The following PPFIA3 variants were observed in gnomAD, a reference collection of about 807,000 sequenced individuals.
PPFIA3 encodes the protein liprin-alpha-3.
PPFIA3 carries 26 observed loss-of-function variants against 145.8 expected under a neutral mutation model. The ratio of observed to expected loss-of-function variants is 0.18; its 90% confidence interval spans 0.13 to 0.25. PPFIA3 has a LOEUF of 0.25. Ranked by LOEUF, PPFIA3 falls within the 10% of genes least tolerant of loss-of-function variation. The pLI is 1.00. For missense variants in PPFIA3, 1,008 were observed against 1,587.8 expected (o/e 0.63, Z 6.21); for synonymous variants, 645 against 661.4 (o/e 0.98, Z 0.38).
intron 24 of PPFIA3, 22 bp downstream of exon 24, chr19:49,148,280 G>T: frequency 6.2e-7 from 1 of 1,609,020 alleles, no homozygotes; most frequent in Non-Finnish European, 8.5e-7. Flanking sequence ...CTGGCCAGTG[G>T]GGACAGTCCA....
At chr19:49,134,777 G>A in intron 12 of PPFIA3, 59 bp from the exon 13 acceptor site, 1 of 1,611,020 alleles carries the variant, frequency 6.2e-7, no homozygotes, top group Non-Finnish European at 8.5e-7. Context: ...AGTCTGGCAG[G>A]GGCTGTTCCT....
intron 11 of PPFIA3, 93 bp downstream of exon 11, chr19:49,134,258 A>G: frequency 6.7e-7 from 1 of 1,484,428 alleles, no homozygotes. Context: ...CAGATCTGTT[A>G]TCGGAGGCCT....
chr19:49,137,008 C>T lies in PPFIA3; in HGVS notation c.1853+97C>T, dbSNP rs532714515. On this transcript the variant is annotated intron_variant, in intron 15 of 29. Transcript: ENST00000334186. ...GCCTGAAAGCCTGAGTCCGTCTCCT[C>T]TTACACCATCCACAAGGAATTCTTC... The T allele has an allele frequency of 2.6e-6, 3 of 1,161,832 alleles. No individual in the cohort carries two copies. In the South Asian group the frequency reaches 5.4e-5, roughly 21 times the overall value. The allele number at this position is 1,161,832 out of a possible 1,614,324, so 72.0% of individuals were successfully genotyped here. A position where few individuals can be genotyped will look rare whatever the true frequency, so the allele number is the denominator to read the frequency against.
At chr19:49,139,582 C>G (rs2041187851) in intron 16 of PPFIA3, 86 bp from the exon 17 acceptor site, 7 of 1,408,814 alleles carry the variant, frequency 5.0e-6, no homozygotes, top group Non-Finnish European at 5.7e-6. Flanking sequence ...TCACCCCACA[C>G]ACACCTTAGT....
chr19:49,148,540 G>C, intron 24 of PPFIA3, 126 bp from the exon 25 acceptor site: 1 of 821,706 alleles, frequency 1.2e-6, no homozygotes, highest in South Asian at 1.6e-5. Flanking sequence ...GGGGTCAACA[G>C]TCAATAGAAC....
intron 7 of PPFIA3, among the ~76,000 whole-genome samples, chr19:49,131,028 ATTT>A (rs33934210): frequency 5.2e-5 from 7 of 134,358 alleles, no homozygotes; most frequent in Admixed American, 7.5e-5. Context: ...TGCACCGCTA[ATTT>A]TTTTTTTTTT....
intron 7 of PPFIA3, among the ~76,000 whole-genome samples, chr19:49,131,389 T>A (rs2041070752): frequency 6.7e-6 from 1 of 148,308 alleles, no homozygotes; most frequent in Admixed American, 6.8e-5. Context: ...TTCACTATAT[T>A]GGCCAGGCTG....
At position 49,128,096 on chromosome 19, in the gene PPFIA3, A is replaced by G; in HGVS notation, c.223A>G (p.Ser75Gly). Residue 75 changes from serine (S) to glycine (G), a missense_variant, in exon 2 of 30, where the codon AGC (serine) becomes GGC (glycine). Physicochemically the swap from Ser to Gly is moderately conservative, Grantham distance 56. Coordinates refer to ENST00000334186, the MANE Select transcript of PPFIA3 (RefSeq NM_003660.4). The surrounding 1 kb of genome is among the most constrained non-coding windows in gnomAD (Gnocchi z 4.1). ...HEKDSLQRQL[S>G]IALPQEFAAL... ...GAAGGACTCGCTGCAGCGCCAGCTC[A>G]GCATCGCGCTGCCCCAGGTCTGGGC... The G allele has an allele frequency of 6.4e-7, 1 of 1,560,304 alleles. No homozygotes were observed. The highest frequency in any genetic ancestry group is 8.6e-7 in the Non-Finnish European group (1 of 1,161,300).
rs1024283869 is a variant in PPFIA3, at chr19:49,138,331, C to G, written c.1980C>G (p.Thr660=). Residue 660 remains threonine (T), a synonymous_variant, in exon 16 of 30, where the codon ACC becomes ACG. Coordinates refer to ENST00000334186, the MANE Select transcript of PPFIA3 (RefSeq NM_003660.4). ...GCTGCTCCCTGCCCCCCTCCCTCAC[C>G]ACCTCTACCCTTGCCAGCCCCTCCC... The part of the protein sequence containing the change: ...RSSCSLPPSL[T]TSTLASPSPP... The G allele has an allele frequency of 1.2e-6, 2 of 1,611,976 alleles. No individual in the cohort carries two copies. The highest frequency in any genetic ancestry group is 1.3e-5 in the African/African-American group (1 of 74,890).
intron 25 of PPFIA3, 77 bp downstream of exon 25, chr19:49,148,840 G>C (rs2041308981): frequency 3.2e-6 from 5 of 1,538,872 alleles, no homozygotes; most frequent in African/African-American, 1.4e-5. Context: ...GGGGTAGGGG[G>C]AGACCGGAGA....
Position 49,150,280 on chromosome 19 carries a change from C to G in PPFIA3, c.*58C>G. 1 of 879,714 alleles carries G rather than the reference C, an allele frequency of 1.1e-6. No homozygotes were observed. Among genetic ancestry groups the G allele is most frequent in the Non-Finnish European group, 1.7e-6 (1 of 587,944 alleles). 54.5% of individuals were successfully genotyped at this position (879,714 alleles called of 1,614,324 possible). On this transcript the variant is annotated 3_prime_UTR_variant, in exon 30 of 30. Coordinates refer to ENST00000334186, the MANE Select transcript of PPFIA3 (RefSeq NM_003660.4). Reference sequence around the variant, plus strand: ...AGAATCTTCCCGAGGCTGGGCTGTTCCCTCTCCTGCCCGGACTGTGGCCTC... The same window carrying G: ...AGAATCTTCCCGAGGCTGGGCTGTTGCCTCTCCTGCCCGGACTGTGGCCTC...
rs1182966458 is a variant in PPFIA3 at position 49,130,946 on chromosome 19, C to G, written c.879+347C>G. On this transcript the variant is annotated intron_variant, in intron 7 of 29. Transcript: ENST00000334186. The surrounding 1 kb of genome is among the most constrained non-coding windows in gnomAD (Gnocchi z 4.5). The stretch of plus-strand genomic sequence containing the variant: ...GCGTGATCTTGGCTTACTGCCACCT[C>G]TGCCTCCCGGGTTCAAGAGATTCTC... Among the ~76,000 whole-genome samples the G allele has an allele frequency of 6.6e-6, 1 of 151,586 alleles. No individual in the cohort carries two copies. Among genetic ancestry groups the G allele is most frequent in the Non-Finnish European group, 1.5e-5 (1 of 67,968 alleles).
In PPFIA3 at chr19:49,148,074, T is replaced by C; in HGVS notation, c.2836-9T>C. 1.2e-6 allele frequency: 2 copies of C among 1,608,102 alleles called. No homozygotes were observed. The highest frequency in any genetic ancestry group is 1.7e-6 in the Non-Finnish European group (2 of 1,176,830). ...GCCTGACTCTTCCCTCACCTGCCCATGGCCCCAGATCCTGGCATATGGCGA... is the reference window on the plus strand; with the variant it reads ...GCCTGACTCTTCCCTCACCTGCCCACGGCCCCAGATCCTGGCATATGGCGA... On this transcript the variant is annotated splice_polypyrimidine_tract_variant and intron_variant, in intron 23 of 29. Coordinates refer to ENST00000334186, the MANE Select transcript of PPFIA3 (RefSeq NM_003660.4).
Position 49,134,171 on chromosome 19 carries a change from C to T in PPFIA3, c.1377+6C>T, listed in dbSNP as rs1402815402. ...TGGGGGCGCTGGAGGAGAAGGTGCG[C>T]CCCCCATACAGGACTGCGGGACGCG... On this transcript the variant is annotated splice_donor_region_variant and intron_variant, in intron 11 of 29. Coordinates refer to ENST00000334186, the MANE Select transcript of PPFIA3 (RefSeq NM_003660.4). 4 of 1,606,084 alleles carry T rather than the reference C, an allele frequency of 2.5e-6. No individual in the cohort carries two copies. The highest frequency in any genetic ancestry group is 2.2e-5 in the East Asian group (1 of 44,826).
In PPFIA3 at chr19:49,128,829, C is replaced by G; in HGVS notation, c.343-19C>G. On this transcript the variant is annotated intron_variant, in intron 3 of 29. Coordinates refer to ENST00000334186, the MANE Select transcript of PPFIA3 (RefSeq NM_003660.4). The surrounding 1 kb of genome is among the most constrained non-coding windows in gnomAD (Gnocchi z 4.1). ...TTTCCCTTGCCTCTTTTCCTTGACC[C>G]CATGCCGTGTGCTTGCAGCTGCTCC... 1 of 1,582,710 alleles carries G rather than the reference C, an allele frequency of 6.3e-7. No homozygotes were observed. The highest frequency in any genetic ancestry group is 1.1e-5 in the South Asian group (1 of 87,792).
At position 49,119,597 on chromosome 19, in the gene PPFIA3, G is replaced by T. The variant is rs1399686583; in HGVS notation, c.-141G>T. 1 of 154,144 alleles carries T rather than the reference G, an allele frequency of 6.5e-6. No individual in the cohort carries two copies. Among genetic ancestry groups the T allele is most frequent in the Non-Finnish European group, 1.4e-5 (1 of 69,224 alleles). The allele number at this position is 154,144 out of a possible 1,614,324, so 9.5% of individuals were successfully genotyped here. ...AGCCCGCGCGAGCGTCGGAGACAGG[G>T]CTCCAGGGCTCCGAAGCGACAGAGC... On this transcript the variant is annotated 5_prime_UTR_variant, in exon 1 of 30. Transcript: ENST00000334186.
intron 11 of PPFIA3, among the ~76,000 whole-genome samples, 196 bp from the exon 12 acceptor site, chr19:49,134,443 T>C (rs1231732331): frequency 6.6e-6 from 1 of 152,164 alleles, no homozygotes; most frequent in Non-Finnish European, 1.5e-5. Flanking sequence ...CCCTCTGAGA[T>C]TGCACAGGAC....
chr19:49,133,715 G>A lies in PPFIA3; in HGVS notation c.1162-81G>A. The A allele has an allele frequency of 2.1e-6, 3 of 1,438,118 alleles. No individual in the cohort carries two copies. Among genetic ancestry groups the A allele is most frequent in the South Asian group, 1.2e-5 (1 of 84,528 alleles). 89.1% of individuals were successfully genotyped at this position (1,438,118 alleles called of 1,614,324 possible). ...TGGCGCTGTGGGGGCGGAGCCTGGC[G>A]CTCAGCCTTGGAGGAGGTGGGGCTG... On this transcript the variant is annotated intron_variant, in intron 9 of 29. Transcript: ENST00000334186. This position sits in a 1 kb window ranked among gnomAD's most constrained non-coding sequence, Gnocchi z 7.2.
intron 17 of PPFIA3, 25 bp from the exon 18 acceptor site, chr19:49,139,936 C>A: frequency 6.2e-7 from 1 of 1,614,056 alleles, no homozygotes; most frequent in Non-Finnish European, 8.5e-7. Flanking sequence ...CAAGCATATG[C>A]TCTCATTCTC....
Sources: allele counts gnomAD v4.1 joint callset (sites outside exome capture counted in the v4.1 genomes callset), GRCh38; gene constraint gnomAD v4.1.1; non-coding constraint Gnocchi (gnomAD v3.1); transcripts MANE v1.5; gene names NCBI Gene and HGNC (gene_info 2026-07-23, HGNC 2026-07-21).